Variants in TCF7 observed in about 807,000 individuals in gnomAD.
TCF7 encodes T-cell-factor-7.
In TCF7, 19 loss-of-function variants were observed where a neutral mutation model predicts 46.8. The observed-to-expected ratio is 0.41, with a 90% CI of 0.28 to 0.60. The LOEUF (loss-of-function observed/expected upper bound fraction) is 0.60. Ranked by LOEUF, TCF7 falls within the 20% of genes least tolerant of loss-of-function variation. TCF7 has a pLI of 0.35. For synonymous variants in TCF7, 245 were observed against 213.4 expected (o/e 1.15, Z -1.29); for missense variants, 547 against 504.6 (o/e 1.08, Z -0.81).
chr5:134,127,092 T>C (rs1172418878), intron 3 of TCF7, among the ~76,000 whole-genome samples: 1 of 152,138 alleles, frequency 6.6e-6, no homozygotes, highest in Non-Finnish European at 1.5e-5. Context: ...GTACAATGTG[T>C]GGAGATGGGG....
At chr5:134,133,781 C>G (rs1758474284) in intron 3 of TCF7, among the ~76,000 whole-genome samples, 1 of 152,196 alleles carries the variant, frequency 6.6e-6, no homozygotes, top group African/African-American at 2.4e-5. Context: ...TGTGGTCTGA[C>G]AGTAGACTCC....
At chr5:134,126,522 A>G (rs1025288147) in intron 3 of TCF7, among the ~76,000 whole-genome samples, 3 of 152,368 alleles carry the variant, frequency 2.0e-5, no homozygotes, top group African/African-American at 7.2e-5. Flanking sequence ...AGTTGTTGAA[A>G]GAATAACAAC....
intron 9 of TCF7, chr5:134,144,600 C>T (rs550598420): frequency 1.7e-6 from 1 of 582,010 alleles, no homozygotes; most frequent in East Asian, 2.9e-5. Flanking sequence ...GCCCACCTTT[C>T]CTGATATCTT....
At chr5:134,140,856 C>T (rs1227980960) in intron 5 of TCF7, 3 of 448,016 alleles carry the variant, frequency 6.7e-6, no homozygotes, top group African/African-American at 2.0e-5. Context: ...ACTTCCCTGC[C>T]CCCACTGCAG....
chr5:134,145,709 CA>C lies in TCF7; in HGVS notation c.1076-514del, dbSNP rs757791504. On this transcript the variant is annotated intron_variant, in intron 9 of 9. Coordinates refer to ENST00000342854, the MANE Select transcript of TCF7 (RefSeq NM_003202.5). ...GCACGGTGGGAAACAACCCTGTCTT[CA>C]GGGGAAGTTCTATTCCATTCATTCC... 2.5e-5 allele frequency: 40 copies of C among 1,611,640 alleles called. No homozygotes were observed. The South Asian group carries it at 4.3e-4, about 17-fold the overall frequency.
intron 2 of TCF7, 88 bp downstream of exon 2, chr5:134,115,475 G>T (rs2149263649): frequency 6.6e-7 from 1 of 1,516,964 alleles, no homozygotes; most frequent in East Asian, 2.5e-5. Context: ...CGGGGAGCCG[G>T]GTGCCTCCCC....
chr5:134,115,803 A>G (rs1325393486), intron 2 of TCF7, 106 bp from the exon 3 acceptor site: 4 of 1,560,790 alleles, frequency 2.6e-6, no homozygotes, highest in Admixed American at 1.9e-5. Context: ...CAAGTCAGGA[A>G]CTTGCAGGGG....
At chr5:134,137,994 C>T in intron 3 of TCF7, 65 bp from the exon 4 acceptor site, 1 of 1,352,068 alleles carries the variant, frequency 7.4e-7, no homozygotes, top group Admixed American at 2.0e-5. Flanking sequence ...CCTGTATACC[C>T]TCATCCCAGT....
upstream of TCF7, among the ~76,000 whole-genome samples, chr5:134,109,949 A>C (rs1580777006): frequency 6.6e-6 from 1 of 152,136 alleles, no homozygotes; most frequent in African/African-American, 2.4e-5. Flanking sequence ...GCAGCCTAGG[A>C]CCTGGCACAC....
At chr5:134,142,122 G>C in intron 5 of TCF7, 63 bp from the exon 6 acceptor site, 1 of 1,609,852 alleles carries the variant, frequency 6.2e-7, no homozygotes, top group Non-Finnish European at 8.5e-7. Flanking sequence ...AGGGGCCTCT[G>C]TGTGTGTCCA....
In TCF7 at chr5:134,145,723, T is replaced by C. The variant is rs773043205; in HGVS notation, c.1076-501T>C. 1.9e-6 allele frequency: 3 copies of C among 1,613,716 alleles called. No individual in the cohort carries two copies. The South Asian group carries it at 3.3e-5, about 18-fold the overall frequency. ...AACCCTGTCTTCAGGGGAAGTTCTATTCCATTCATTCCATCAGAGACAAAC... is the reference window on the plus strand; with the variant it reads ...AACCCTGTCTTCAGGGGAAGTTCTACTCCATTCATTCCATCAGAGACAAAC... On this transcript the variant is annotated intron_variant, in intron 9 of 9. Transcript: ENST00000342854.
intron 3 of TCF7, among the ~76,000 whole-genome samples, chr5:134,121,993 C>T (rs547327555): frequency 6.6e-6 from 1 of 152,290 alleles, no homozygotes; most frequent in African/African-American, 2.4e-5. Context: ...TTGTGGTGGG[C>T]AGTGCGACTG....
chr5:134,139,243 C>A, intron 5 of TCF7: 2 of 704,274 alleles, frequency 2.8e-6, no homozygotes, highest in Non-Finnish European at 4.6e-6. Flanking sequence ...CCCAGGGAGC[C>A]TGACATACTC....
intron 3 of TCF7, among the ~76,000 whole-genome samples, chr5:134,122,262 CCCT>C (rs1263444183): frequency 5.9e-5 from 9 of 152,078 alleles, no homozygotes; most frequent in Non-Finnish European, 1.2e-4. Context: ...GGCGGTTTGC[CCCT>C]CCTCTGGAAA....
In TCF7 at chr5:134,115,108, A is replaced by G. The variant is rs2149261848; in HGVS notation, c.202A>G (p.Ile68Val). 9.6e-7 allele frequency: 1 copy of G among 1,041,388 alleles called. No homozygotes were observed. The highest frequency in any genetic ancestry group is 1.2e-6 in the Non-Finnish European group (1 of 864,128). The allele number at this position is 1,041,388 out of a possible 1,614,324, so 64.5% of individuals were successfully genotyped here. Reference protein sequence around the residue: ...ESEGAAGGAGIPGVPGAGAGA... With the variant: ...ESEGAAGGAGVPGVPGAGAGA... ...CGAGGGCGCGGCCGGCGGCGCAGGG[A>G]TCCCGGGGGTCCCGGGGGCCGGCGC... The change falls in exon 1 of 10, where the codon ATC becomes GTC. Residue 68 changes from isoleucine (I) to valine (V), a missense_variant. This residue lies in a region of TCF7 where 425 missense variants were observed against 349.9 expected (regional missense o/e 1.21). Transcript: ENST00000342854.
intron 3 of TCF7, among the ~76,000 whole-genome samples, chr5:134,117,187 G>A (rs907628074): frequency 1.3e-5 from 2 of 152,196 alleles, no homozygotes; most frequent in African/African-American, 4.8e-5. Context: ...TATGTTTTTC[G>A]AGTAGTCTCT....
At position 134,130,960 on chromosome 5, in the gene TCF7, C is replaced by G. The variant is rs1282413397; in HGVS notation, c.442-7099C>G. On this transcript the variant is annotated intron_variant, in intron 3 of 9. Transcript: ENST00000342854. ...TCAACTATAGCACAGTGGATCGGTG[C>G]TACAGAAGGAGTTGGGGATGTGAGC... Among the ~76,000 whole-genome samples the G allele has an allele frequency of 1.3e-5, 2 of 152,142 alleles. 1 individual carries two copies. Among genetic ancestry groups the G allele is most frequent in the Non-Finnish European group, 2.9e-5 (2 of 68,030 alleles).
At chr5:134,140,666 A>C in intron 5 of TCF7, 1 of 375,530 alleles carries the variant, frequency 2.7e-6, no homozygotes, top group Non-Finnish European at 5.3e-6. Flanking sequence ...CTGGTGGCAG[A>C]TGCTTGAAAT....
chr5:134,120,700 T>C (rs1437783994), intron 3 of TCF7, among the ~76,000 whole-genome samples: 1 of 152,202 alleles, frequency 6.6e-6, no homozygotes, highest in African/African-American at 2.4e-5. Flanking sequence ...CCATTCCCAG[T>C]AGGACCCTCC....
Sources: gnomAD v4.1 joint callset for allele counts (sites outside exome capture counted in the v4.1 genomes callset) on GRCh38, gnomAD v4.1.1 for gene constraint, gnomAD v4.1.1 regional missense constraint, MANE v1.5 for transcripts, NCBI Gene and HGNC (gene_info 2026-07-23, HGNC 2026-07-21) for gene names.